OSBPL10: variants seen among roughly 807,000 people sequenced by gnomAD.
OSBPL10 encodes the protein oxysterol binding protein like 10.
OSBPL10 carries 49 observed loss-of-function variants against 81.7 expected under a neutral mutation model. The observed-to-expected ratio is 0.60, with a 90% CI of 0.48 to 0.76. OSBPL10 has a LOEUF of 0.76. Ranked by LOEUF, OSBPL10 falls within the 30% of genes least tolerant of loss-of-function variation. The pLI, the probability that OSBPL10 is intolerant of heterozygous loss-of-function variation, is 0.00. For synonymous variants in OSBPL10, 419 were observed against 383.6 expected (o/e 1.09, Z -1.08); for missense variants, 923 against 987.8 (o/e 0.93, Z 0.88).
intron 1 of OSBPL10, among the ~76,000 whole-genome samples, chr3:31,902,488 C>G (rs1696276793): frequency 6.6e-6 from 1 of 151,998 alleles, no homozygotes; most frequent in South Asian, 2.1e-4. Context: ...GTCTTGAACT[C>G]CTGACCTCAG....
intron 1 of OSBPL10, among the ~76,000 whole-genome samples, chr3:31,965,832 ATAATATATATTATATAAAAAGAT>A: frequency 1.2e-5 from 1 of 85,648 alleles, no homozygotes; most frequent in East Asian, 3.4e-4. Flanking sequence ...ATATAAATAT[ATAATATATATTATATAAAAAGAT>A]AATATATAAT....
intron 3 of OSBPL10, among the ~76,000 whole-genome samples, chr3:31,855,003 G>A (rs1700874190): frequency 6.6e-6 from 1 of 151,280 alleles, no homozygotes; most frequent in Admixed American, 6.6e-5. Flanking sequence ...TGGTTGTCAT[G>A]GTTTTGTTTT....
At chr3:31,684,237 G>C in intron 7 of OSBPL10, 123 bp from the exon 8 acceptor site, 1 of 1,312,166 alleles carries the variant, frequency 7.6e-7, no homozygotes, top group Non-Finnish European at 1.0e-6. Context: ...GGAGCAGTCT[G>C]TTTTGACTTG....
intron 2 of OSBPL10, among the ~76,000 whole-genome samples, chr3:31,994,528 G>A (rs1699069164): frequency 6.6e-6 from 1 of 151,758 alleles, no homozygotes; most frequent in Non-Finnish European, 1.5e-5. Flanking sequence ...ATGGATGGAT[G>A]GATGGATGGT....
intron 3 of OSBPL10, among the ~76,000 whole-genome samples, chr3:31,871,894 A>G (rs576515306): frequency 6.6e-6 from 1 of 152,328 alleles, no homozygotes; most frequent in South Asian, 2.1e-4. Flanking sequence ...ACGCACACAC[A>G]TGCAAGAAAT....
chr3:31,747,616 T>G (rs1375137603), intron 5 of OSBPL10, among the ~76,000 whole-genome samples: 1 of 152,108 alleles, frequency 6.6e-6, no homozygotes, highest in Non-Finnish European at 1.5e-5. Context: ...GTTAGTTACA[T>G]TTTTCATAAA....
chr3:31,912,935 G>C (rs898336186), intron 1 of OSBPL10, among the ~76,000 whole-genome samples: 1 of 152,318 alleles, frequency 6.6e-6, no homozygotes, highest in East Asian at 1.9e-4. Flanking sequence ...GAATAACCTT[G>C]AGTCCAGCCT....
chr3:32,038,481 C>T (rs1224540166), intron 2 of OSBPL10, among the ~76,000 whole-genome samples: 1 of 152,084 alleles, frequency 6.6e-6, no homozygotes, highest in African/African-American at 2.4e-5. Flanking sequence ...GCCACCACAC[C>T]CAACTAATTT....
intron 4 of OSBPL10, among the ~76,000 whole-genome samples, chr3:31,751,355 T>C (rs1162033785): frequency 2.0e-5 from 3 of 150,058 alleles, no homozygotes; most frequent in Non-Finnish European, 4.4e-5. Flanking sequence ...TCAAAATAAA[T>C]AAATAAACAA....
At chr3:31,832,778 G>T (rs1328831171) in intron 3 of OSBPL10, among the ~76,000 whole-genome samples, 1 of 152,166 alleles carries the variant, frequency 6.6e-6, no homozygotes, top group Non-Finnish European at 1.5e-5. Flanking sequence ...AGTAGGCTTT[G>T]GGAAGCTAGA....
chr3:31,670,926 T>C lies in OSBPL10; in HGVS notation c.1784A>G (p.Tyr595Cys). The C allele has an allele frequency of 6.2e-7, 1 of 1,614,086 alleles. No individual in the cohort carries two copies. The highest frequency in any genetic ancestry group is 8.5e-7 in the Non-Finnish European group (1 of 1,179,982). The change falls in exon 9 of 12, where the codon TAC (tyrosine) becomes TGC (cysteine). Residue 595 changes from tyrosine to cysteine, a missense_variant. Coordinates refer to ENST00000396556, the MANE Select transcript of OSBPL10 (RefSeq NM_017784.5). ...EEYVFTLPSA[Y>C]ARSILTIPWV... ...CGGGATGGTGAGAATGGACCGGGCG[T>C]AGGCACTAGGCAGGGTGAATACGTA...
At chr3:31,741,490 C>G (rs573717662) in intron 5 of OSBPL10, among the ~76,000 whole-genome samples, 10 of 152,326 alleles carry the variant, frequency 6.6e-5, no homozygotes, top group Non-Finnish European at 1.0e-4. Flanking sequence ...ATCTTGATCT[C>G]TTGACCTCGT....
intron 9 of OSBPL10, among the ~76,000 whole-genome samples, chr3:31,670,019 A>G (rs550027423): frequency 6.6e-6 from 1 of 152,208 alleles, no homozygotes; most frequent in Non-Finnish European, 1.5e-5. Context: ...CCATTTGCCA[A>G]TTTCTGTGGT....
At chr3:31,735,114 T>G (rs1697111116) in intron 5 of OSBPL10, among the ~76,000 whole-genome samples, 1 of 149,462 alleles carries the variant, frequency 6.7e-6, no homozygotes, top group South Asian at 2.1e-4. Flanking sequence ...TAATGTCAAG[T>G]GTTAGGTCAC....
chr3:31,910,875 G>T (rs1280993359), intron 1 of OSBPL10, among the ~76,000 whole-genome samples: 1 of 152,100 alleles, frequency 6.6e-6, no homozygotes, highest in African/African-American at 2.4e-5. Context: ...ACTACTTCAT[G>T]AATTAAAGGA....
At chr3:32,075,639 C>T (rs1270779010) in intron 1 of OSBPL10, among the ~76,000 whole-genome samples, 1 of 152,174 alleles carries the variant, frequency 6.6e-6, no homozygotes, top group Non-Finnish European at 1.5e-5. Flanking sequence ...GGTTTCCACA[C>T]AGCCCCTAAT....
At position 32,066,153 on chromosome 3, in the gene OSBPL10, AAAGGAAGAAAGGAAGGAAGGAAGG is replaced by A. The variant is rs1392373964; in HGVS notation, n.185+11219_185+11242del. 2.6e-4 allele frequency among the ~76,000 whole-genome samples: 14 copies of A among 53,054 alleles called. 4 individuals are homozygous for A. The highest frequency in any genetic ancestry group is 5.4e-4 in the Admixed American group (2 of 3,680). 34.8% of individuals were successfully genotyped at this position (53,054 alleles called of 152,430 possible). A position where few individuals can be genotyped will look rare whatever the true frequency, so the allele number is the denominator to read the frequency against. ...AGAGAGAGAAAGGGAAGAAAGGAAG[AAAGGAAGAAAGGAAGGAAGGAAGG>A]AAGGAAGGAAGGAAGGAAGGAAGGA... On this transcript the variant is annotated intron_variant and non_coding_transcript_variant, in intron 1 of 3. Coordinates refer to the OSBPL10 transcript ENST00000479173.
chr3:31,737,848 C>T (rs771991762), intron 5 of OSBPL10, among the ~76,000 whole-genome samples: 1 of 151,822 alleles, frequency 6.6e-6, no homozygotes, highest in Non-Finnish European at 1.5e-5. Context: ...AAAAAGTAGC[C>T]AGGCATGGTG....
At chr3:31,731,565 T>A (rs1043261200) in intron 6 of OSBPL10, among the ~76,000 whole-genome samples, 5 of 151,992 alleles carry the variant, frequency 3.3e-5, no homozygotes, top group Admixed American at 3.3e-4. Context: ...CTTGGCTCAC[T>A]GCAGCCTCTG....
Sources: allele counts gnomAD v4.1 joint callset (sites outside exome capture counted in the v4.1 genomes callset), GRCh38; gene constraint gnomAD v4.1.1; transcripts MANE v1.5; gene names NCBI Gene and HGNC (gene_info 2026-07-23, HGNC 2026-07-21).